The following THEMIS variants were observed in gnomAD, a reference collection of about 807,000 sequenced individuals.
The protein encoded by THEMIS is protein THEMIS.
A neutral mutation model predicts 52.6 loss-of-function variants in THEMIS; 37 were observed. The ratio of observed to expected loss-of-function variants is 0.70; its 90% CI spans 0.54 to 0.93. THEMIS has a LOEUF of 0.93. Among genes scored for constraint, THEMIS ranks in the 40% least tolerant of loss-of-function variants. THEMIS has a pLI of 0.00. For synonymous variants in THEMIS, 292 were observed against 272.7 expected, an observed-to-expected ratio of 1.07 and a Z score of -0.70; for missense variants, 808 against 763.1, an observed-to-expected ratio of 1.06 and a Z score of -0.69.
At chr6:127,836,335 T>C (rs1778873933) in intron 2 of THEMIS, among the ~76,000 whole-genome samples, 1 of 152,146 alleles carries the variant, frequency 6.6e-6, no homozygotes, top group African/African-American at 2.4e-5. Context: ...GAGGTAAATA[T>C]TGAAGAAATT....
chr6:127,775,318 T>G (rs1027545182), intron 4 of THEMIS, among the ~76,000 whole-genome samples: 1 of 152,242 alleles, frequency 6.6e-6, no homozygotes, highest in South Asian at 2.1e-4. Flanking sequence ...TGTGGACTTG[T>G]GTACAAATTA....
chr6:127,748,932 T>C (rs1583229574), intron 4 of THEMIS, among the ~76,000 whole-genome samples: 1 of 152,094 alleles, frequency 6.6e-6, no homozygotes, highest in East Asian at 1.9e-4. Context: ...CCCATCTTAG[T>C]TCCATTCTGA....
the THEMIS span, among the ~76,000 whole-genome samples, chr6:127,699,025 C>A: frequency 6.8e-6 from 1 of 146,338 alleles, no homozygotes; most frequent in African/African-American, 2.5e-5. Context: ...TGGTACAAAC[C>A]TAGTATCTCC....
At chr6:127,741,917 G>A (rs553856988) in intron 4 of THEMIS, among the ~76,000 whole-genome samples, 9 of 152,280 alleles carry the variant, frequency 5.9e-5, no homozygotes, top group Non-Finnish European at 8.8e-5. Context: ...CACATTCTAG[G>A]TGGAACAGTC....
intron 4 of THEMIS, among the ~76,000 whole-genome samples, chr6:127,761,486 C>G (rs1015239081): frequency 6.6e-6 from 1 of 152,058 alleles, no homozygotes; most frequent in Admixed American, 6.6e-5. Context: ...CACAGTTACC[C>G]CTTCCTCATT....
chr6:127,697,842 T>C, the THEMIS span, among the ~76,000 whole-genome samples: 1 of 152,172 alleles, frequency 6.6e-6, no homozygotes. Flanking sequence ...TCCTTAAAAA[T>C]TATCAATATC....
At chr6:127,835,870 C>T (rs1778859516) in intron 2 of THEMIS, among the ~76,000 whole-genome samples, 3 of 152,120 alleles carry the variant, frequency 2.0e-5, no homozygotes, top group Non-Finnish European at 2.9e-5. Flanking sequence ...CTTTGAGGAG[C>T]TTGTCCGACC....
intron 1 of THEMIS, among the ~76,000 whole-genome samples, chr6:127,893,255 A>G (rs1464879918): frequency 6.6e-6 from 1 of 152,104 alleles, no homozygotes; most frequent in Non-Finnish European, 1.5e-5. Context: ...GAAAAATTCA[A>G]ATCAGTTTTG....
chr6:127,825,654 G>T (rs555532081), intron 3 of THEMIS, among the ~76,000 whole-genome samples: 73 of 152,224 alleles, frequency 4.8e-4, no homozygotes, highest in African/African-American at 1.7e-3. Context: ...TATTTTAAAT[G>T]GAATTCCCAG....
chr6:127,748,083 A>G (rs1180259464), intron 4 of THEMIS, among the ~76,000 whole-genome samples: 1 of 152,160 alleles, frequency 6.6e-6, no homozygotes, highest in Non-Finnish European at 1.5e-5. Flanking sequence ...GCAATTAGCA[A>G]TGATGCTGAA....
intron 3 of THEMIS, among the ~76,000 whole-genome samples, chr6:127,818,977 G>A (rs1381139287): frequency 6.6e-6 from 1 of 151,334 alleles, no homozygotes; most frequent in African/African-American, 2.4e-5. Flanking sequence ...AATTAGCCAG[G>A]CGCATGGTGG....
intron 4 of THEMIS, among the ~76,000 whole-genome samples, chr6:127,787,508 C>T (rs1776991969): frequency 6.6e-6 from 1 of 152,288 alleles, no homozygotes; most frequent in South Asian, 2.1e-4. Flanking sequence ...AAACCTACCA[C>T]TGGCACCAGG....
At chr6:127,878,546 T>C (rs1406613647) in intron 1 of THEMIS, among the ~76,000 whole-genome samples, 3 of 152,202 alleles carry the variant, frequency 2.0e-5, no homozygotes, top group Admixed American at 2.0e-4. Context: ...GACTGATAGC[T>C]ATCATCTACT....
the THEMIS span, among the ~76,000 whole-genome samples, chr6:127,700,656 G>C: frequency 6.6e-6 from 1 of 151,930 alleles, no homozygotes; most frequent in East Asian, 1.9e-4. Context: ...TGGAAAAAAT[G>C]CATTCTAGCA....
chr6:127,730,307 AAAAG>A (rs1774731174), intron 4 of THEMIS, among the ~76,000 whole-genome samples: 1 of 144,852 alleles, frequency 6.9e-6, no homozygotes, highest in African/African-American at 2.8e-5. Context: ...AAAAGAAAAG[AAAAG>A]AAAAGAGAAA....
intron 4 of THEMIS, among the ~76,000 whole-genome samples, chr6:127,803,883 C>T (rs1479924862): frequency 6.6e-6 from 1 of 152,110 alleles, no homozygotes; most frequent in Non-Finnish European, 1.5e-5. Flanking sequence ...GTAACTGCTA[C>T]AGAACAGACA....
At chr6:127,734,742 C>T (rs916503842) in intron 4 of THEMIS, among the ~76,000 whole-genome samples, 7 of 150,798 alleles carry the variant, frequency 4.6e-5, no homozygotes, top group South Asian at 4.2e-4. Flanking sequence ...TGGTGGCACG[C>T]GCCGTAGTCC....
At chr6:127,867,454 G>A (rs146305928) in intron 1 of THEMIS, among the ~76,000 whole-genome samples, 28 of 152,114 alleles carry the variant, frequency 1.8e-4, no homozygotes, top group East Asian at 9.7e-4. Flanking sequence ...CCCATCTTAC[G>A]TTCTAAGATG....
chr6:127,761,240 G>T (rs1324434532), intron 4 of THEMIS, among the ~76,000 whole-genome samples: 2 of 152,052 alleles, frequency 1.3e-5, no homozygotes, highest in African/African-American at 4.8e-5. Context: ...AGGGAACATT[G>T]GCACACTCTT....
Sources: allele counts gnomAD v4.1 joint callset (sites outside exome capture counted in the v4.1 genomes callset), GRCh38; gene constraint gnomAD v4.1.1; transcripts MANE v1.5; gene names NCBI Gene and HGNC (gene_info 2026-07-23, HGNC 2026-07-21).